BACH2: variants seen among roughly 807,000 people sequenced by gnomAD.
BACH2 encodes BACH transcriptional regulator 2.
In BACH2, 5 loss-of-function variants were observed where a neutral mutation model predicts 61.8. The ratio of observed to expected loss-of-function variants is 0.08; its 90% CI spans 0.04 to 0.17. The LOEUF (loss-of-function observed/expected upper bound fraction) is 0.17. Ranked by LOEUF, BACH2 falls within the 10% of genes least tolerant of loss-of-function variation. The probability of loss-of-function intolerance (pLI) is 1.00; values close to 1 mark genes in which losing one functional copy is unlikely to be tolerated. For synonymous variants in BACH2, 446 were observed against 440.1 expected, an observed-to-expected ratio of 1.01 and a Z score of -0.17; for missense variants, 824 against 1,091.1, an observed-to-expected ratio of 0.76 and a Z score of 3.45.
At chr6:90,068,964 T>C (rs1487696730) in intron 5 of BACH2, among the ~76,000 whole-genome samples, 2 of 152,198 alleles carry the variant, frequency 1.3e-5, no homozygotes, top group South Asian at 4.1e-4. Flanking sequence ...CGGCACTAAG[T>C]AAAATACAAT....
chr6:90,091,951 C>A (rs1782176203), intron 4 of BACH2, among the ~76,000 whole-genome samples: 1 of 152,046 alleles, frequency 6.6e-6, no homozygotes, highest in African/African-American at 2.4e-5. Flanking sequence ...AATGATTTTT[C>A]TTTGCCACAT....
chr6:90,264,694 G>T (rs561369429), intron 2 of BACH2, among the ~76,000 whole-genome samples: 7 of 152,172 alleles, frequency 4.6e-5, no homozygotes, highest in Non-Finnish European at 8.8e-5. Context: ...ATCTGGGATG[G>T]AGGTGAAGAG....
intron 4 of BACH2, among the ~76,000 whole-genome samples, chr6:90,123,944 C>T (rs1037606869): frequency 6.6e-6 from 1 of 152,022 alleles, no homozygotes; most frequent in African/African-American, 2.4e-5. Context: ...AGGCCTGGGC[C>T]CCAAAGCTGA....
In BACH2 at chr6:90,213,969, GT is replaced by G. The variant is rs1439641817; in HGVS notation, c.-274-7289del. The stretch of plus-strand genomic sequence containing the variant: ...GTCCAAATTAAGAATAAATACTGAA[GT>G]TTTTTCTTAAGAAGCATGGCACACT... On this transcript the variant is annotated intron_variant, in intron 3 of 8. Coordinates refer to ENST00000257749, the MANE Select transcript of BACH2 (RefSeq NM_021813.4). Among the ~76,000 whole-genome samples, 16 of 152,208 alleles carry G rather than the reference GT, an allele frequency of 1.1e-4. 1 individual carries two copies. In the East Asian group the frequency reaches 2.9e-3, roughly 28 times the overall value.
chr6:90,072,327 G>A (rs1197824908), intron 5 of BACH2, among the ~76,000 whole-genome samples: 1 of 152,152 alleles, frequency 6.6e-6, no homozygotes, highest in African/African-American at 2.4e-5. Context: ...GTATCAAAAG[G>A]CAGCCAAAGG....
At chr6:90,075,865 T>G (rs1268902763) in intron 5 of BACH2, among the ~76,000 whole-genome samples, 15 of 152,180 alleles carry the variant, frequency 9.9e-5, no homozygotes, top group Admixed American at 9.8e-4. Context: ...TGACTGTGAC[T>G]AATTCCAGAG....
chr6:90,074,917 A>G (rs1169274406), intron 5 of BACH2, among the ~76,000 whole-genome samples: 1 of 152,154 alleles, frequency 6.6e-6, no homozygotes, highest in African/African-American at 2.4e-5. Context: ...ACAGACAGAC[A>G]TGGGTAGGTA....
chr6:90,184,704 T>C (rs1049326870), intron 4 of BACH2, among the ~76,000 whole-genome samples: 2 of 152,206 alleles, frequency 1.3e-5, no homozygotes, highest in Non-Finnish European at 2.9e-5. Context: ...AGGCCAGGGA[T>C]GGTCTCTGTC....
chr6:90,005,654 G>C (rs1259333983), intron 6 of BACH2, among the ~76,000 whole-genome samples: 16 of 152,190 alleles, frequency 1.1e-4, no homozygotes, highest in East Asian at 9.6e-4. Flanking sequence ...CTGAGCAGAG[G>C]GGGAGGGCTC....
chr6:90,158,718 C>T (rs1004132388), intron 4 of BACH2, among the ~76,000 whole-genome samples: 1 of 145,196 alleles, frequency 6.9e-6, no homozygotes, highest in Non-Finnish European at 1.5e-5. Context: ...AGGGAGGTAA[C>T]GATATGGAGA....
intron 4 of BACH2, among the ~76,000 whole-genome samples, chr6:90,122,925 G>T (rs1003633436): frequency 2.0e-5 from 3 of 152,202 alleles, no homozygotes; most frequent in Admixed American, 1.3e-4. Flanking sequence ...GAACTTAACG[G>T]CAGAGAAAAG....
At chr6:90,163,883 T>C (rs891780534) in intron 4 of BACH2, among the ~76,000 whole-genome samples, 1 of 152,222 alleles carries the variant, frequency 6.6e-6, no homozygotes, top group Non-Finnish European at 1.5e-5. Context: ...TGTGTACAAA[T>C]TGAATGTAGA....
In BACH2 at chr6:89,932,678, C is replaced by T; in HGVS notation, c.2256G>A (p.Glu752=). The T allele has an allele frequency of 6.2e-7, 1 of 1,614,192 alleles. No homozygotes were observed. The highest frequency in any genetic ancestry group is 1.1e-5 in the South Asian group (1 of 91,078). ...CGCATTGGGAGGCCGCAATGTTCTG[C>T]TCAGCACCCAAGGGCGCAGGGTTAA... ...SSINPAPLGA[E]QNIAASQCAV... The change falls in exon 9 of 9, where the codon GAG becomes GAA. Residue 752 remains glutamate (E), a synonymous_variant. Transcript: ENST00000257749.
rs1158088739 is a variant in BACH2, at chr6:89,931,843, A to G, written c.*565T>C. On this transcript the variant is annotated 3_prime_UTR_variant, in exon 9 of 9. Transcript: ENST00000257749. Reference sequence around the variant, plus strand: ...AACTAGTTCTAGCATCAGAGACAAAAGAAGAGGAATGTTGGAACCTGTTTC... The same window carrying G: ...AACTAGTTCTAGCATCAGAGACAAAGGAAGAGGAATGTTGGAACCTGTTTC... 1 of 152,392 alleles carries G rather than the reference A, an allele frequency of 6.6e-6. No homozygotes were observed. Among genetic ancestry groups the G allele is most frequent in the Non-Finnish European group, 1.5e-5 (1 of 67,996 alleles). 9.4% of individuals were successfully genotyped at this position (152,392 alleles called of 1,614,324 possible).
At chr6:90,091,137 A>T (rs1339935800) in intron 4 of BACH2, among the ~76,000 whole-genome samples, 1 of 152,194 alleles carries the variant, frequency 6.6e-6, no homozygotes. Flanking sequence ...CCAAAGATGT[A>T]TTCAAGCCTA....
chr6:90,145,437 T>C (rs924425271), intron 4 of BACH2, among the ~76,000 whole-genome samples: 8 of 152,208 alleles, frequency 5.3e-5, no homozygotes, highest in African/African-American at 1.9e-4. Flanking sequence ...CTTAGGAAGA[T>C]GTGGGGGTTG....
Position 90,124,737 on chromosome 6 carries a change from A to G in BACH2, c.-161-35628T>C, listed in dbSNP as rs116409369. 3.5e-3 allele frequency among the ~76,000 whole-genome samples: 526 copies of G among 152,284 alleles called. 4 individuals are homozygous for G. The highest frequency in any genetic ancestry group is 0.012 in the African/African-American group (484 of 41,558). ...CATTGTAAACAATGCTCACCTAAAAATCCTTGAGAAAGTATCTTTCTGTTT... is the reference window on the plus strand; with the variant it reads ...CATTGTAAACAATGCTCACCTAAAAGTCCTTGAGAAAGTATCTTTCTGTTT... On this transcript the variant is annotated intron_variant, in intron 4 of 8. Coordinates refer to ENST00000257749, the MANE Select transcript of BACH2 (RefSeq NM_021813.4).
intron 7 of BACH2, among the ~76,000 whole-genome samples, chr6:89,949,186 C>T (rs1433026072): frequency 6.6e-6 from 1 of 152,178 alleles, no homozygotes; most frequent in Admixed American, 6.5e-5. Flanking sequence ...ATCCAGAGAG[C>T]ACAGATGGGT....
intron 6 of BACH2, among the ~76,000 whole-genome samples, chr6:89,977,198 TA>T (rs949356960): frequency 6.6e-6 from 1 of 152,204 alleles, no homozygotes; most frequent in African/African-American, 2.4e-5. Context: ...TTCTTGGATT[TA>T]TTTGAAAAAT....
Sources: gnomAD v4.1 joint callset for allele counts (sites outside exome capture counted in the v4.1 genomes callset) on GRCh38, gnomAD v4.1.1 for gene constraint, MANE v1.5 for transcripts, NCBI Gene and HGNC (gene_info 2026-07-23, HGNC 2026-07-21) for gene names.